The following SLC9A6 variants were observed in gnomAD, a reference collection of about 807,000 sequenced individuals.
SLC9A6 encodes the protein solute carrier family 9 member A6, also known as sodium/hydrogen exchanger 6.
A neutral mutation model predicts 45.3 loss-of-function variants in SLC9A6; 6 were observed. That is an observed-to-expected ratio of 0.13 (90% CI 0.07 to 0.26). The LOEUF (loss-of-function observed/expected upper bound fraction) is 0.26, where lower values mean the gene tolerates loss of function less well. Among genes scored for constraint, SLC9A6 ranks in the 10% least tolerant of loss-of-function variants. The pLI is 1.00. For synonymous variants in SLC9A6, 191 were observed against 187.7 expected (o/e 1.02, Z -0.14); for missense variants, 278 against 503.7 (o/e 0.55, Z 4.29).
rs782216766 is a variant in SLC9A6 at position 135,998,895 on chromosome X, G to A, written c.564G>A (p.Thr188=). The change falls in exon 6 of 18, where the codon ACG becomes ACA. Residue 188 remains threonine (T), a synonymous_variant. Transcript: ENST00000630721. The stretch of plus-strand genomic sequence containing the variant: ...GCTGTGTAACGCTGATGAAGGTAAC[G>A]GGACAACTTGCAGGAGATTTTTACT... ...MYGCVTLMKV[T]GQLAGDFYFT... is the part of the protein sequence containing the mutation. 67 of 1,207,234 alleles carry A rather than the reference G, an allele frequency of 5.5e-5. No individual in the cohort carries two copies. Among genetic ancestry groups the A allele is most frequent in the South Asian group, 7.0e-5 (4 of 56,794 alleles).
chrX:135,985,135 G>A (rs145928242), upstream of SLC9A6: 1,883 of 150,736 alleles, frequency 0.012, 25 homozygotes, highest in African/African-American at 0.054. Context: ...ATATTGAGAT[G>A]GGTTATGAAA....
At chrX:136,022,298 T>A (rs181639162) in intron 11 of SLC9A6, among the ~76,000 whole-genome samples, 10 of 112,358 alleles carry the variant, frequency 8.9e-5, no homozygotes, top group African/African-American at 3.2e-4. Flanking sequence ...TGGTAGCAAC[T>A]AGCCAAATGT....
intron 6 of SLC9A6, among the ~76,000 whole-genome samples, chrX:136,001,074 G>T (rs2089574597): frequency 9.0e-6 from 1 of 111,036 alleles, no homozygotes; most frequent in African/African-American, 3.3e-5. Context: ...GGTGGCTCAC[G>T]CTTGTAATCC....
At chrX:136,023,782 C>G (rs782677684) in intron 12 of SLC9A6, among the ~76,000 whole-genome samples, 79 of 110,895 alleles carry the variant, frequency 7.1e-4, no homozygotes, top group African/African-American at 2.5e-3. Flanking sequence ...TGGCTATAGA[C>G]CAAAAAGAGT....
At chrX:135,981,218 CTT>C (rs1556613954), upstream of SLC9A6, among the ~76,000 whole-genome samples, 1 of 111,820 alleles carries the variant, frequency 8.9e-6, no homozygotes, top group Non-Finnish European at 1.9e-5. Context: ...TCTCAGGAAA[CTT>C]GCGATCATGG....
chrX:136,006,510 T>C (rs1201522623), intron 7 of SLC9A6, among the ~76,000 whole-genome samples: 2 of 108,488 alleles, frequency 1.8e-5, no homozygotes, highest in African/African-American at 6.7e-5. Context: ...TATTTTATTT[T>C]ATTTTATTTT....
At chrX:136,007,831 G>A (rs1368448064) in intron 7 of SLC9A6, among the ~76,000 whole-genome samples, 1 of 111,228 alleles carries the variant, frequency 9.0e-6, no homozygotes, top group African/African-American at 3.3e-5. Flanking sequence ...ATTATGACTA[G>A]CATGGCAGTG....
chrX:136,004,155 A>G lies in SLC9A6; in HGVS notation c.743+1942A>G, dbSNP rs192096586. ...CCAGGCTGGGGTGCAGTGGCGCAAT[A>G]TAGACTCACTGCAACCTCCACCTCC... On this transcript the variant is annotated intron_variant, in intron 7 of 17. Coordinates refer to ENST00000630721, the MANE Select transcript of SLC9A6 (RefSeq NM_001379110.1). Among the ~76,000 whole-genome samples the G allele has an allele frequency of 4.9e-3, 462 of 94,156 alleles. 3 individuals carry two copies. Among genetic ancestry groups the G allele is most frequent in the African/African-American group, 0.017 (405 of 24,433 alleles). 81.8% of individuals were successfully genotyped at this position (94,156 alleles called of 115,157 possible).
intron 7 of SLC9A6, among the ~76,000 whole-genome samples, chrX:136,006,771 CAG>C (rs1407485714): frequency 9.0e-6 from 1 of 110,970 alleles, no homozygotes; most frequent in Non-Finnish European, 1.9e-5. Flanking sequence ...AGAAGATGTA[CAG>C]AGAGACAACA....
chrX:136,020,519 C>T (rs942644058), intron 11 of SLC9A6, among the ~76,000 whole-genome samples: 6 of 110,664 alleles, frequency 5.4e-5, no homozygotes, highest in South Asian at 3.8e-4. Context: ...TACAGGCATG[C>T]GCCACCACGC....
At chrX:136,035,439 G>A (rs1028865812) in intron 16 of SLC9A6, among the ~76,000 whole-genome samples, 2 of 111,644 alleles carry the variant, frequency 1.8e-5, no homozygotes, top group Non-Finnish European at 3.8e-5. Flanking sequence ...TTAGGTATTC[G>A]TTTCTGTCTT....
intron 16 of SLC9A6, among the ~76,000 whole-genome samples, chrX:136,035,365 C>T (rs1727624670): frequency 8.9e-6 from 1 of 112,111 alleles, no homozygotes; most frequent in Non-Finnish European, 1.9e-5. Context: ...AACCATGATT[C>T]TGACTTTCAT....
At chrX:135,993,582 G>A (rs1360509748) in intron 2 of SLC9A6, among the ~76,000 whole-genome samples, 1 of 111,335 alleles carries the variant, frequency 9.0e-6, no homozygotes, top group Admixed American at 9.5e-5. Flanking sequence ...TCAGGAGTTC[G>A]ACCTTGGTCA....
intron 12 of SLC9A6, among the ~76,000 whole-genome samples, chrX:136,023,476 C>CA (rs782496251): frequency 1.8e-3 from 193 of 108,121 alleles, no homozygotes; most frequent in Middle Eastern, 4.7e-3. Context: ...CTAAAAAGAA[C>CA]AAACAATTTA....
At chrX:135,997,976 T>G in intron 3 of SLC9A6, 132 bp from the exon 4 acceptor site, 1 of 461,060 alleles carries the variant, frequency 2.2e-6, no homozygotes, top group East Asian at 3.7e-5. Context: ...ATATGAAATA[T>G]TTTTAAGTTA....
At chrX:135,985,174 C>G, upstream of SLC9A6, 1 of 201,631 alleles carries the variant, frequency 5.0e-6, no homozygotes, top group Non-Finnish European at 9.0e-6. Context: ...ATCAATTCCC[C>G]TGAGAGCTCT....
chrX:136,022,667 T>A lies in SLC9A6; in HGVS notation c.1276T>A (p.Ser426Thr). The change falls in exon 12 of 18, where the codon TCA becomes ACA. Residue 426 changes from serine to threonine, a missense_variant. By Grantham distance (58) the Ser-to-Thr change is moderately conservative. Around this residue, in one of 5 missense-constraint regions of SLC9A6, gnomAD observed 41 missense variants for 51.8 expected, o/e 0.79. Coordinates refer to ENST00000630721, the MANE Select transcript of SLC9A6 (RefSeq NM_001379110.1). The part of the protein sequence containing the change: ...LNLGRRSKIG[S>T]NFQHMMMFAG... ...TTTGGGTAGAAGAAGTAAGATTGGA[T>A]CAAATTTTCAACACATGATGATGTT... 3.4e-6 allele frequency: 4 copies of A among 1,186,841 alleles called. No homozygotes were observed. Among genetic ancestry groups the A allele is most frequent in the Non-Finnish European group, 4.6e-6 (4 of 875,750 alleles).
At chrX:136,042,158 A>G (rs2071522571) in intron 17 of SLC9A6, among the ~76,000 whole-genome samples, 1 of 109,149 alleles carries the variant, frequency 9.2e-6, no homozygotes, top group Non-Finnish European at 1.9e-5. Context: ...AATTTAACCC[A>G]TAACAACCAT....
intron 1 of SLC9A6, among the ~76,000 whole-genome samples, chrX:135,976,681 A>G (rs1163306035): frequency 1.8e-5 from 2 of 111,938 alleles, no homozygotes; most frequent in Non-Finnish European, 3.8e-5. Flanking sequence ...GAGTTTTCTT[A>G]TAGGACCTGA....
Sources: gnomAD v4.1 joint callset for allele counts (sites outside exome capture counted in the v4.1 genomes callset) on GRCh38, gnomAD v4.1.1 for gene constraint, gnomAD v4.1.1 regional missense constraint, MANE v1.5 for transcripts, NCBI Gene and HGNC (gene_info 2026-07-23, HGNC 2026-07-21) for gene names.